The following ALS2 variants were observed in gnomAD, a reference collection of about 807,000 sequenced individuals.
The protein encoded by ALS2 is alsin.
In ALS2, 117 loss-of-function variants were observed where a neutral mutation model predicts 203.4. The ratio of observed to expected loss-of-function variants is 0.58; its 90% confidence interval spans 0.50 to 0.67. ALS2 has a LOEUF of 0.67. Ranked by LOEUF, ALS2 falls within the 30% of genes least tolerant of loss-of-function variation. The probability of loss-of-function intolerance (pLI) is 0.00; values close to 1 mark genes in which losing one functional copy is unlikely to be tolerated. For synonymous variants in ALS2, 718 were observed against 725.9 expected (o/e 0.99, Z 0.17); for missense variants, 1,715 against 1,989.4 (o/e 0.86, Z 2.62).
chr2:201,724,595 C>A, intron 20 of ALS2, 136 bp from the exon 21 acceptor site: 4 of 947,972 alleles, frequency 4.2e-6, no homozygotes, highest in Admixed American at 2.2e-5. Context: ...TTATTTTTCA[C>A]CAATTAAAAA....
chr2:201,717,639 GAAAAAA>G (rs59265308), intron 24 of ALS2, among the ~76,000 whole-genome samples: 1 of 115,992 alleles, frequency 8.6e-6, no homozygotes, highest in South Asian at 2.9e-4. Context: ...TCTTGTTTAA[GAAAAAA>G]AAAAAAAAAA....
At chr2:201,723,211 T>C in intron 22 of ALS2, 91 bp from the exon 23 acceptor site, 1 of 1,394,816 alleles carries the variant, frequency 7.2e-7, no homozygotes, top group South Asian at 1.2e-5. Context: ...CCTTATGGAA[T>C]CTTAAAAGAA....
At chr2:201,767,490 G>A in intron 2 of ALS2, 107 bp from the exon 3 acceptor site, 2 of 1,267,994 alleles carry the variant, frequency 1.6e-6, no homozygotes, top group South Asian at 1.3e-5. Context: ...TGGATGACTA[G>A]GTCAGATAGC....
At chr2:201,749,821 G>A (rs368559023) in intron 7 of ALS2, 32 bp from the exon 8 acceptor site, 270 of 1,568,010 alleles carry the variant, frequency 1.7e-4, no homozygotes, top group Middle Eastern at 3.3e-4. Context: ...GTAGCTAAGC[G>A]TTGTGAATCT....
intron 11 of ALS2, among the ~76,000 whole-genome samples, chr2:201,740,951 C>A (rs796106108): frequency 2.6e-5 from 4 of 152,280 alleles, no homozygotes; most frequent in African/African-American, 9.6e-5. Flanking sequence ...AAATGCCTGG[C>A]ACTGAGTGGG....
intron 4 of ALS2, among the ~76,000 whole-genome samples, chr2:201,758,153 C>T (rs949885905): frequency 1.1e-4 from 17 of 151,982 alleles, no homozygotes; most frequent in Non-Finnish European, 7.4e-5. Flanking sequence ...ATGCAAATTT[C>T]ATTATTGATC....
At chr2:201,740,856 A>G (rs1692222285) in intron 11 of ALS2, among the ~76,000 whole-genome samples, 1 of 152,206 alleles carries the variant, frequency 6.6e-6, no homozygotes, top group Non-Finnish European at 1.5e-5. Context: ...AATCAAAACA[A>G]AACACCAACA....
rs1473786961 is a variant in ALS2, at chr2:201,700,995, T to G, written c.*856A>C. Reference sequence around the variant, plus strand: ...TGCAGTTTTTTGCTTATTTCCCAGTTGTTAGTCCTGCTCGAAAACACAGCC... The same window carrying G: ...TGCAGTTTTTTGCTTATTTCCCAGTGGTTAGTCCTGCTCGAAAACACAGCC... On this transcript the variant is annotated 3_prime_UTR_variant, in exon 34 of 34. Coordinates refer to ENST00000264276, the MANE Select transcript of ALS2 (RefSeq NM_020919.4). The G allele has an allele frequency of 6.6e-6, 1 of 152,420 alleles. No homozygotes were observed. Among genetic ancestry groups the G allele is most frequent in the Non-Finnish European group, 1.5e-5 (1 of 68,022 alleles). 9.4% of individuals were successfully genotyped at this position (152,420 alleles called of 1,614,324 possible). A position where few individuals can be genotyped will look rare whatever the true frequency, so the allele number is the denominator to read the frequency against.
rs371136689 is a variant in ALS2 at position 201,766,416 on chromosome 2, C to T, written c.175+813G>A. Among the ~76,000 whole-genome samples the T allele has an allele frequency of 5.3e-5, 8 of 151,826 alleles. No individual in the cohort carries two copies. In the East Asian group the frequency reaches 5.9e-4, roughly 11 times the overall value. On this transcript the variant is annotated intron_variant, in intron 3 of 33. Transcript: ENST00000264276. ...ATCCCAGAACTTTGGGAGGTCGAGG[C>T]GGGTGGATCACCTGAGGTCAGGAGT... is the stretch of plus-strand genomic sequence containing the variant.
chr2:201,713,138 T>TTTTTC (rs1559036881), intron 25 of ALS2, among the ~76,000 whole-genome samples: 5 of 105,096 alleles, frequency 4.8e-5, no homozygotes, highest in African/African-American at 1.0e-4. Context: ...CTTTTCTTTT[T>TTTTTC]TTTTTTTTTT....
chr2:201,723,119 C>T lies in ALS2; in HGVS notation c.3626G>A (p.Gly1209Glu), dbSNP rs753372795. The T allele has an allele frequency of 4.3e-6, 7 of 1,611,858 alleles. No individual in the cohort carries two copies. The highest frequency in any genetic ancestry group is 4.0e-5 in the African/African-American group (3 of 74,856). Residue 1209 changes from glycine to glutamate, a missense_variant and splice_region_variant, in exon 23 of 34, where the codon GGA becomes GAA. Physicochemically the swap from Gly to Glu is moderately conservative, Grantham distance 98. Coordinates refer to ENST00000264276, the MANE Select transcript of ALS2 (RefSeq NM_020919.4). ...ATCTTCGGAAAGCAAAACCCCATTT[C>T]CCTACAAGAAGAAACAAGAGAAAAA... Reference protein sequence around the residue: ...EGNFHLNKMMGNGVLLSEDDT... With the variant: ...EGNFHLNKMMENGVLLSEDDT...
Position 201,760,875 on chromosome 2 carries a change from AG to A in ALS2, c.1113+5del. 6.2e-7 allele frequency: 1 copy of A among 1,610,016 alleles called. No homozygotes were observed. The highest frequency in any genetic ancestry group is 8.5e-7 in the Non-Finnish European group (1 of 1,177,098). On this transcript the variant is annotated splice_donor_5th_base_variant and intron_variant, in intron 4 of 33. Transcript: ENST00000264276. ...ACACTTTTATTTTATAAAATTGAGC[AG>A]GTACCTGAGATGGCACTGGCTTTTC...
chr2:201,732,562 T>C (rs902236323), intron 13 of ALS2, among the ~76,000 whole-genome samples: 4 of 152,108 alleles, frequency 2.6e-5, no homozygotes, highest in South Asian at 2.1e-4. Flanking sequence ...AACGAGACTC[T>C]GTCTCAAAAA....
At chr2:201,731,802 G>T (rs1024795932) in intron 13 of ALS2, among the ~76,000 whole-genome samples, 13 of 152,074 alleles carry the variant, frequency 8.5e-5, no homozygotes, top group Admixed American at 5.2e-4. Context: ...AATAGAGAAA[G>T]AAAGTGTTAG....
In ALS2 at chr2:201,726,956, A is replaced by T. The variant is rs958878595; in HGVS notation, c.2980-90T>A. The T allele has an allele frequency of 5.1e-6, 6 of 1,182,692 alleles. No individual in the cohort carries two copies. The African/African-American group carries it at 7.6e-5, about 15-fold the overall frequency. The allele number at this position is 1,182,692 out of a possible 1,614,324, so 73.3% of individuals were successfully genotyped here. On this transcript the variant is annotated intron_variant, in intron 17 of 33. Coordinates refer to ENST00000264276, the MANE Select transcript of ALS2 (RefSeq NM_020919.4). ...TGCTAGTTTTCTTTGGTGTGAATAA[A>T]TTATTTGTGTCCTAATGCTTTTCTT...
At chr2:201,724,491 T>G in intron 20 of ALS2, 32 bp from the exon 21 acceptor site, 3 of 1,609,774 alleles carry the variant, frequency 1.9e-6, no homozygotes, top group Non-Finnish European at 2.6e-6. Flanking sequence ...AATTATCACA[T>G]GCACATTGAA....
At chr2:201,715,538 T>A in intron 25 of ALS2, 134 bp downstream of exon 25, 2 of 1,039,672 alleles carry the variant, frequency 1.9e-6, no homozygotes, top group Non-Finnish European at 2.9e-6. Flanking sequence ...GAAAGTGTGT[T>A]TTAATCTCTC....
chr2:201,716,874 A>G (rs1226694348), intron 24 of ALS2, among the ~76,000 whole-genome samples: 1 of 152,196 alleles, frequency 6.6e-6, no homozygotes, highest in Non-Finnish European at 1.5e-5. Context: ...GGTACAGAAA[A>G]CATATCCTTG....
At chr2:201,772,601 T>C (rs1471598370) in intron 1 of ALS2, among the ~76,000 whole-genome samples, 2 of 152,206 alleles carry the variant, frequency 1.3e-5, no homozygotes, top group African/African-American at 4.8e-5. Context: ...ATATAGTTTA[T>C]GCATCTTACT....
Sources: gnomAD v4.1 joint callset for allele counts (sites outside exome capture counted in the v4.1 genomes callset) on GRCh38, gnomAD v4.1.1 for gene constraint, MANE v1.5 for transcripts, NCBI Gene and HGNC (gene_info 2026-07-23, HGNC 2026-07-21) for gene names.